Variants in BABAM2 observed in about 807,000 individuals in gnomAD.
BABAM2 encodes BRISC and BRCA1-A complex member 2.
In BABAM2, 31 loss-of-function variants were observed where a neutral mutation model predicts 54.7. The observed-to-expected ratio is 0.57, with a 90% CI of 0.43 to 0.77. The LOEUF is 0.77. Ranked by LOEUF, BABAM2 falls within the 30% of genes least tolerant of loss-of-function variation. The pLI, the probability that BABAM2 is intolerant of heterozygous loss-of-function variation, is 0.00. For synonymous variants in BABAM2, 167 were observed against 162.9 expected (o/e 1.03, Z -0.19); for missense variants, 364 against 455.8 (o/e 0.80, Z 1.83).
At chr2:28,130,780 T>C (rs1370590323) in intron 7 of BABAM2, among the ~76,000 whole-genome samples, 1 of 151,374 alleles carries the variant, frequency 6.6e-6, no homozygotes, top group Non-Finnish European at 1.5e-5. Flanking sequence ...CACTCTGTCA[T>C]CCAGGCTGGA....
In BABAM2 at chr2:27,949,489, G is replaced by A. The variant is rs185072793; in HGVS notation, c.205+19581G>A. Among the ~76,000 whole-genome samples the A allele has an allele frequency of 1.0e-4, 15 of 150,584 alleles. No individual in the cohort carries two copies. In the East Asian group the frequency reaches 2.6e-3, roughly 26 times the overall value. On this transcript the variant is annotated intron_variant, in intron 3 of 11. Coordinates refer to ENST00000379624, the MANE Select transcript of BABAM2 (RefSeq NM_199191.3). The stretch of plus-strand genomic sequence containing the variant: ...GCGGAGATTGCAGTGAGCCGAGATC[G>A]CACCACTGCGCTCCAACCTGGGCGA...
At chr2:27,939,217 C>G (rs1668704246) in intron 3 of BABAM2, among the ~76,000 whole-genome samples, 1 of 152,176 alleles carries the variant, frequency 6.6e-6, no homozygotes, top group South Asian at 2.1e-4. Context: ...TCCCAAAGTG[C>G]TAGGATTACA....
intron 6 of BABAM2, among the ~76,000 whole-genome samples, chr2:28,051,832 TAG>T (rs755944771): frequency 6.6e-5 from 10 of 151,914 alleles, no homozygotes; most frequent in Middle Eastern, 3.4e-3. Context: ...GTGTTTTTAA[TAG>T]AGAGGGGATT....
chr2:27,905,113 A>T (rs1666097487), intron 2 of BABAM2, among the ~76,000 whole-genome samples: 1 of 152,244 alleles, frequency 6.6e-6, no homozygotes, highest in African/African-American at 2.4e-5. Context: ...CAGAAGATAC[A>T]TGGGAAAATT....
intron 3 of BABAM2, among the ~76,000 whole-genome samples, chr2:27,983,629 T>C (rs564257963): frequency 1.3e-5 from 2 of 152,102 alleles, no homozygotes. Context: ...TTTTTTAATT[T>C]CTTCAAACAA....
chr2:28,005,545 T>C (rs1016076518), intron 4 of BABAM2, among the ~76,000 whole-genome samples: 1 of 152,188 alleles, frequency 6.6e-6, no homozygotes, highest in African/African-American at 2.4e-5. Flanking sequence ...TAAGGGTGTT[T>C]TGAAAATTGA....
chr2:28,171,111 A>AT (rs1192921668), intron 7 of BABAM2, among the ~76,000 whole-genome samples: 29 of 97,604 alleles, frequency 3.0e-4, no homozygotes, highest in Non-Finnish European at 5.5e-4. Context: ...CTGCTTTTTA[A>AT]AATATATATA....
chr2:28,292,056 A>G (rs896133420), intron 10 of BABAM2, among the ~76,000 whole-genome samples: 1 of 152,212 alleles, frequency 6.6e-6, no homozygotes, highest in Non-Finnish European at 1.5e-5. Context: ...GCTTGGAGGA[A>G]CTGGAGCATC....
At chr2:27,945,722 G>T (rs1669251622) in intron 3 of BABAM2, among the ~76,000 whole-genome samples, 1 of 151,180 alleles carries the variant, frequency 6.6e-6, no homozygotes, top group South Asian at 2.1e-4. Context: ...AGTTTTCAGT[G>T]AATATATCTT....
chr2:28,009,435 C>T (rs1674232085), intron 4 of BABAM2, among the ~76,000 whole-genome samples: 1 of 152,082 alleles, frequency 6.6e-6, no homozygotes, highest in Non-Finnish European at 1.5e-5. Context: ...TTAATAAATG[C>T]TCTTTATTAA....
At chr2:28,022,915 T>A (rs1675376213) in intron 4 of BABAM2, among the ~76,000 whole-genome samples, 1 of 152,222 alleles carries the variant, frequency 6.6e-6, no homozygotes, top group South Asian at 2.1e-4. Flanking sequence ...AAACTTTATA[T>A]ATCTTCTGTT....
At chr2:28,135,650 G>A (rs1670470379) in intron 7 of BABAM2, among the ~76,000 whole-genome samples, 1 of 152,082 alleles carries the variant, frequency 6.6e-6, no homozygotes, top group Non-Finnish European at 1.5e-5. Flanking sequence ...CCCCCAATAA[G>A]CTAATGTTTC....
intron 6 of BABAM2, among the ~76,000 whole-genome samples, chr2:28,127,909 C>T (rs1182657237): frequency 6.6e-6 from 1 of 151,556 alleles, no homozygotes; most frequent in Non-Finnish European, 1.5e-5. Flanking sequence ...CGGGTTCATG[C>T]CATTCTCCTG....
At chr2:28,012,217 G>GA (rs1402216842) in intron 4 of BABAM2, among the ~76,000 whole-genome samples, 1 of 152,178 alleles carries the variant, frequency 6.6e-6, no homozygotes, top group Non-Finnish European at 1.5e-5. Context: ...GAGCAACCTG[G>GA]AAAATTTAAA....
chr2:28,289,614 C>T (rs892021705), intron 10 of BABAM2, among the ~76,000 whole-genome samples: 1 of 152,060 alleles, frequency 6.6e-6, no homozygotes, highest in African/African-American at 2.4e-5. Flanking sequence ...CATGGTGAAA[C>T]CCCATCTCTA....
intron 4 of BABAM2, among the ~76,000 whole-genome samples, chr2:28,005,086 C>G (rs1673862943): frequency 6.6e-6 from 1 of 152,050 alleles, no homozygotes; most frequent in South Asian, 2.1e-4. Context: ...AATTAAAAAG[C>G]ATTTTCAAGT....
intron 3 of BABAM2, among the ~76,000 whole-genome samples, chr2:27,962,703 A>G (rs757386594): frequency 5.9e-5 from 9 of 152,226 alleles, no homozygotes; most frequent in African/African-American, 1.2e-4. Context: ...CTATTTTGCT[A>G]TAGTACCTCT....
At chr2:27,972,824 T>C (rs943634125) in intron 3 of BABAM2, among the ~76,000 whole-genome samples, 3 of 149,272 alleles carry the variant, frequency 2.0e-5, no homozygotes, top group African/African-American at 7.4e-5. Context: ...TGGAGTGCAG[T>C]GGCTCGATCT....
chr2:28,066,193 A>T lies in BABAM2; in HGVS notation c.570+20394A>T, dbSNP rs190999521. The stretch of plus-strand genomic sequence containing the variant: ...AAAAAATAAATAAATAAAAAATAAA[A>T]AAATAAAAAAAACAGCCACGATAAT... On this transcript the variant is annotated intron_variant, in intron 6 of 11. Coordinates refer to ENST00000379624, the MANE Select transcript of BABAM2 (RefSeq NM_199191.3). Among the ~76,000 whole-genome samples, 20 of 151,430 alleles carry T rather than the reference A, an allele frequency of 1.3e-4. No homozygotes were observed. In the East Asian group the frequency reaches 2.3e-3, roughly 18 times the overall value.
Sources: gnomAD v4.1 joint callset for allele counts (sites outside exome capture counted in the v4.1 genomes callset) on GRCh38, gnomAD v4.1.1 for gene constraint, MANE v1.5 for transcripts, NCBI Gene and HGNC (gene_info 2026-07-23, HGNC 2026-07-21) for gene names.